The following MACC1 variants were observed in gnomAD, a reference collection of about 807,000 sequenced individuals.
MACC1 encodes the protein metastasis-associated in colon cancer protein 1.
MACC1 carries 79 observed loss-of-function variants against 70.7 expected under a neutral mutation model. The observed-to-expected ratio is 1.12, with a 90% confidence interval of 0.93 to 1.35. The LOEUF (loss-of-function observed/expected upper bound fraction) is 1.35. Ranked by LOEUF, MACC1 falls within the 40% of genes most tolerant of loss-of-function variation. The pLI, the probability that MACC1 is intolerant of heterozygous loss-of-function variation, is 0.00. For missense variants in MACC1, 1,106 were observed against 978.1 expected (o/e 1.13, Z -1.74); for synonymous variants, 361 against 347.2 (o/e 1.04, Z -0.44).
At chr7:20,173,133 C>G (rs1782337375) in intron 1 of MACC1, among the ~76,000 whole-genome samples, 1 of 152,134 alleles carries the variant, frequency 6.6e-6, no homozygotes, top group African/African-American at 2.4e-5. Context: ...CGAGATGGAT[C>G]CCAGGCTTCA....
At chr7:20,150,663 C>T (rs1781962156) in intron 6 of MACC1, 1 of 152,190 alleles carries the variant, frequency 6.6e-6, no homozygotes, top group South Asian at 2.1e-4. Flanking sequence ...GGGAGAGTGG[C>T]CCATTCTGGC....
Position 20,153,999 on chromosome 7 carries a change from G to A in MACC1, c.2346+194C>T, listed in dbSNP as rs138252339. ...AAAAGAAGAAACATCAATATTTTAA[G>A]GGCTCTCAATGCCTTTTAAGAGTGT... is the stretch of plus-strand genomic sequence containing the variant. On this transcript the variant is annotated intron_variant, in intron 6 of 6. Coordinates refer to ENST00000400331, the MANE Select transcript of MACC1 (RefSeq NM_182762.4). Among the ~76,000 whole-genome samples the A allele has an allele frequency of 7.3e-4, 111 of 152,228 alleles. 1 individual carries two copies. Among genetic ancestry groups the A allele is most frequent in the African/African-American group, 2.6e-3 (107 of 41,550 alleles).
At position 20,159,888 on chromosome 7, in the gene MACC1, T is replaced by C. The variant is rs1402097963; in HGVS notation, c.473A>G (p.His158Arg). Reference sequence around the variant, plus strand: ...GTGTAGTAGGATCTGGTCAGAGTTATGTATACTCTGATGGGCATGTGCTGT... The same window carrying C: ...GTGTAGTAGGATCTGGTCAGAGTTACGTATACTCTGATGGGCATGTGCTGT... Reference protein sequence around the residue: ...DDTAHAHQSIHNSDQILLHDL... With the variant: ...DDTAHAHQSIRNSDQILLHDL... The change falls in exon 5 of 7, where the codon CAT (histidine) becomes CGT (arginine). Residue 158 changes from histidine (H) to arginine (R), a missense_variant. Physicochemically the swap from His to Arg is conservative, Grantham distance 29 (BLOSUM62 0). Coordinates refer to ENST00000400331, the MANE Select transcript of MACC1 (RefSeq NM_182762.4). 3.1e-6 allele frequency: 5 copies of C among 1,614,036 alleles called. No individual in the cohort carries two copies. Among genetic ancestry groups the C allele is most frequent in the African/African-American group, 2.7e-5 (2 of 74,920 alleles).
chr7:20,175,321 A>C (rs898941695), intron 1 of MACC1, among the ~76,000 whole-genome samples: 2 of 152,152 alleles, frequency 1.3e-5, no homozygotes, highest in African/African-American at 4.8e-5. Flanking sequence ...TCATAAAATA[A>C]ATGTGTGTGA....
At chr7:20,192,399 G>T (rs904282923) in intron 1 of MACC1, among the ~76,000 whole-genome samples, 1 of 152,202 alleles carries the variant, frequency 6.6e-6, no homozygotes, top group Non-Finnish European at 1.5e-5. Flanking sequence ...GCTGTTCACA[G>T]ATTTCAAAAT....
At chr7:20,184,034 C>T (rs148943582) in intron 1 of MACC1, among the ~76,000 whole-genome samples, 1 of 151,976 alleles carries the variant, frequency 6.6e-6, no homozygotes, top group African/African-American at 2.4e-5. Flanking sequence ...AAGGATTATT[C>T]CTCACTTCAT....
chr7:20,156,993 C>T (rs926422324), intron 5 of MACC1, among the ~76,000 whole-genome samples: 1 of 152,164 alleles, frequency 6.6e-6, no homozygotes, highest in Non-Finnish European at 1.5e-5. Flanking sequence ...TACACACACA[C>T]ATTACTTTGT....
At position 20,192,282 on chromosome 7, in the gene MACC1, C is replaced by T. The variant is rs537215996; in HGVS notation, c.-217-21504G>A. Among the ~76,000 whole-genome samples the T allele has an allele frequency of 4.6e-5, 7 of 152,084 alleles. No homozygotes were observed. In the South Asian group the frequency reaches 1.0e-3, roughly 23 times the overall value. On this transcript the variant is annotated intron_variant, in intron 1 of 6. Coordinates refer to ENST00000400331, the MANE Select transcript of MACC1 (RefSeq NM_182762.4). ...GAAAACAATTAGGGAAAAAATATCACCCTGTGGTTAATGATAGCCTCTAAT... is the reference window on the plus strand; with the variant it reads ...GAAAACAATTAGGGAAAAAATATCATCCTGTGGTTAATGATAGCCTCTAAT...
chr7:20,213,531 C>T (rs1452339510), intron 1 of MACC1, among the ~76,000 whole-genome samples: 4 of 152,066 alleles, frequency 2.6e-5, no homozygotes, highest in African/African-American at 9.7e-5. Context: ...TATCTAAATG[C>T]CCATAATGAT....
intron 6 of MACC1, among the ~76,000 whole-genome samples, chr7:20,152,256 G>A (rs957758933): frequency 3.3e-5 from 5 of 152,184 alleles, no homozygotes; most frequent in African/African-American, 1.2e-4. Context: ...AGGAAAAAAA[G>A]CGGCCCAGCA....
At position 20,154,941 on chromosome 7, in the gene MACC1, T is replaced by C. The variant is rs538075935; in HGVS notation, c.2158-560A>G. Among the ~76,000 whole-genome samples the C allele has an allele frequency of 9.9e-5, 15 of 151,956 alleles. No individual in the cohort carries two copies. In the East Asian group the frequency reaches 2.7e-3, roughly 27 times the overall value. Reference sequence around the variant, plus strand: ...ACTCCTTCAACTTTGAACAAAGCTATTGATGTTTATAAGTTTAAAATATAT... The same window carrying C: ...ACTCCTTCAACTTTGAACAAAGCTACTGATGTTTATAAGTTTAAAATATAT... On this transcript the variant is annotated intron_variant, in intron 5 of 6. Transcript: ENST00000400331.
Position 20,159,585 on chromosome 7 carries a change from T to C in MACC1, c.776A>G (p.His259Arg). The C allele has an allele frequency of 6.2e-7, 1 of 1,614,118 alleles. No homozygotes were observed. Among genetic ancestry groups the C allele is most frequent in the African/African-American group, 1.3e-5 (1 of 75,006 alleles). The change falls in exon 5 of 7, where the codon CAC (histidine) becomes CGC (arginine). Residue 259 changes from histidine to arginine, a missense_variant. Coordinates refer to ENST00000400331, the MANE Select transcript of MACC1 (RefSeq NM_182762.4). ...GCACGAAAGATCATGGTTAAGCATG[T>C]GTGGCGGATCAAGGAAAGCCCTTAG... ...VSLRAFLDPP[H>R]MLNHDLSCTV...
intron 1 of MACC1, among the ~76,000 whole-genome samples, chr7:20,197,530 A>C (rs927000919): frequency 6.6e-6 from 1 of 152,220 alleles, no homozygotes; most frequent in Admixed American, 6.5e-5. Flanking sequence ...AGCTTTTAAC[A>C]TTATGGATAT....
intron 1 of MACC1, among the ~76,000 whole-genome samples, chr7:20,193,841 A>C (rs2128107437): frequency 6.6e-6 from 1 of 151,918 alleles, no homozygotes; most frequent in Non-Finnish European, 1.5e-5. Flanking sequence ...CAGAAAGCAA[A>C]CAGCTGACAT....
rs142606922 is a variant in MACC1, at chr7:20,137,592, C to T, written c.*3354G>A. 1.3e-5 allele frequency: 2 copies of T among 152,284 alleles called. No individual in the cohort carries two copies. Among genetic ancestry groups the T allele is most frequent in the East Asian group, 1.9e-4 (1 of 5,192 alleles). The allele number at this position is 152,284 out of a possible 1,614,324, so 9.4% of individuals were successfully genotyped here. On this transcript the variant is annotated 3_prime_UTR_variant, in exon 7 of 7. Transcript: ENST00000400331. The stretch of plus-strand genomic sequence containing the variant: ...TGAGGAACTGAAAGAACCATGTAAA[C>T]ATTTTCTGCTTTCAAAATGCTTAAA...
At chr7:20,210,713 C>T (rs1253179431) in intron 1 of MACC1, among the ~76,000 whole-genome samples, 1 of 152,196 alleles carries the variant, frequency 6.6e-6, no homozygotes, top group Non-Finnish European at 1.5e-5. Flanking sequence ...GGAGGGATGG[C>T]ATCTTTCTTG....
At position 20,158,675 on chromosome 7, in the gene MACC1, T is replaced by TCTTA. The variant is rs1562585306; in HGVS notation, c.1682_1685dup (p.Arg562SerfsTer7). On this transcript the variant is annotated frameshift_variant, in exon 5 of 7. Transcript: ENST00000400331. LOFTEE classifies it high-confidence loss of function. ...CAAGGAAGTAATCAATCTTGCTTTG[T>TCTTA]CTTAGCACTGCCTTCAGGGTTACCC... The TCTTA allele has an allele frequency of 6.2e-7, 1 of 1,613,984 alleles. No individual in the cohort carries two copies. Among genetic ancestry groups the TCTTA allele is most frequent in the Non-Finnish European group, 8.5e-7 (1 of 1,179,976 alleles).
intron 1 of MACC1, among the ~76,000 whole-genome samples, chr7:20,199,261 T>A (rs1285967848): frequency 6.6e-6 from 1 of 152,200 alleles, no homozygotes; most frequent in Non-Finnish European, 1.5e-5. Flanking sequence ...GAAGGAAAAA[T>A]TATTAGCTAC....
intron 6 of MACC1, among the ~76,000 whole-genome samples, chr7:20,142,595 G>T (rs1055179730): frequency 2.0e-5 from 3 of 152,240 alleles, no homozygotes; most frequent in South Asian, 4.2e-4. Context: ...CTATATTTCT[G>T]AAGATTTACA....
Sources: gnomAD v4.1 joint callset for allele counts (sites outside exome capture counted in the v4.1 genomes callset) on GRCh38, gnomAD v4.1.1 for gene constraint, MANE v1.5 for transcripts, NCBI Gene and HGNC (gene_info 2026-07-23, HGNC 2026-07-21) for gene names.